Variants in CDH18 observed in about 807,000 individuals in gnomAD.
CDH18 encodes cadherin-18.
CDH18 carries 31 observed loss-of-function variants against 67.9 expected under a neutral mutation model. The ratio of observed to expected loss-of-function variants is 0.46; its 90% CI spans 0.34 to 0.62. CDH18 has a LOEUF of 0.62. CDH18 is among the 20% of genes least tolerant of loss of function. The pLI, the probability that CDH18 is intolerant of heterozygous loss-of-function variation, is 0.01. For missense variants in CDH18, 890 were observed against 975.5 expected (o/e 0.91, Z 1.17); for synonymous variants, 362 against 347.2 (o/e 1.04, Z -0.48).
intron 1 of CDH18, among the ~76,000 whole-genome samples, chr5:20,262,198 T>C (rs764369387): frequency 3.7e-4 from 57 of 152,224 alleles, no homozygotes; most frequent in Non-Finnish European, 1.5e-4. Flanking sequence ...TAAATTGTGA[T>C]AAATGGGAAA....
intron 12 of CDH18, among the ~76,000 whole-genome samples, chr5:19,479,807 C>G (rs2126556510): frequency 6.6e-6 from 1 of 152,128 alleles, no homozygotes; most frequent in South Asian, 2.1e-4. Flanking sequence ...TATGCTTTTA[C>G]AGCATATTTG....
intron 3 of CDH18, among the ~76,000 whole-genome samples, chr5:19,784,733 C>T (rs551037524): frequency 3.3e-5 from 5 of 152,236 alleles, no homozygotes; most frequent in Non-Finnish European, 5.9e-5. Context: ...TGCAAATATT[C>T]TTGGCCTTTC....
intron 2 of CDH18, among the ~76,000 whole-genome samples, chr5:19,925,158 C>G: frequency 6.6e-6 from 1 of 152,262 alleles, no homozygotes; most frequent in Non-Finnish European, 1.5e-5. Context: ...TACTTTCCTG[C>G]ATTTATCGAT....
At chr5:20,559,745 G>T (rs1219571366) in intron 1 of CDH18, among the ~76,000 whole-genome samples, 2 of 152,012 alleles carry the variant, frequency 1.3e-5, no homozygotes, top group Non-Finnish European at 2.9e-5. Flanking sequence ...AGAAATCACT[G>T]TCTAAGCGCC....
At chr5:19,819,586 G>A (rs371070811) in intron 3 of CDH18, among the ~76,000 whole-genome samples, 2 of 152,126 alleles carry the variant, frequency 1.3e-5, no homozygotes, top group Non-Finnish European at 1.5e-5. Context: ...CAGCACACTC[G>A]CATTGTAGGT....
chr5:19,515,924 G>A (rs1745910879), intron 10 of CDH18, among the ~76,000 whole-genome samples: 1 of 152,108 alleles, frequency 6.6e-6, no homozygotes, highest in Admixed American at 6.6e-5. Context: ...CCTGTCTTGT[G>A]CCAGTTTTCA....
At chr5:20,297,843 G>C (rs1580694979) in intron 1 of CDH18, among the ~76,000 whole-genome samples, 1 of 152,262 alleles carries the variant, frequency 6.6e-6, no homozygotes, top group East Asian at 1.9e-4. Flanking sequence ...TATAAAATAA[G>C]AGAGTTCTCT....
chr5:20,108,255 T>A (rs1314151551), intron 2 of CDH18, among the ~76,000 whole-genome samples: 1 of 151,902 alleles, frequency 6.6e-6, no homozygotes, highest in Non-Finnish European at 1.5e-5. Flanking sequence ...AATTTTATTT[T>A]ATTTTTTTTT....
At chr5:20,449,807 T>C (rs1022340948) in intron 1 of CDH18, among the ~76,000 whole-genome samples, 26 of 142,294 alleles carry the variant, frequency 1.8e-4, no homozygotes, top group Admixed American at 1.1e-3. Context: ...TTATTATCTT[T>C]CATGTTTGTC....
rs80200130 is a variant in CDH18, at chr5:19,732,305, T to G, written c.524-10839A>C. On this transcript the variant is annotated intron_variant, in intron 4 of 12. Transcript: ENST00000382275. ...AAAAAAAAGTTTTTAAAATAAAAAA[T>G]TATACAGATGTTGTGGCACACACCT... 1.8e-4 allele frequency among the ~76,000 whole-genome samples: 27 copies of G among 151,884 alleles called. No homozygotes were observed. In the East Asian group the frequency reaches 3.7e-3, roughly 21 times the overall value.
At chr5:20,530,806 C>A (rs530421951) in intron 1 of CDH18, among the ~76,000 whole-genome samples, 1 of 152,100 alleles carries the variant, frequency 6.6e-6, no homozygotes, top group Admixed American at 6.6e-5. Context: ...CTAGGCAATA[C>A]CATTCAGGAC....
intron 5 of CDH18, among the ~76,000 whole-genome samples, chr5:19,671,061 T>A (rs1758682348): frequency 6.6e-6 from 1 of 152,132 alleles, no homozygotes; most frequent in Non-Finnish European, 1.5e-5. Context: ...AGATAAGTAG[T>A]AAGCACTTAG....
In CDH18 at chr5:19,473,343, C is replaced by T. The variant is rs765641689; in HGVS notation, c.2256G>A (p.Ser752=). 7.1e-5 allele frequency: 115 copies of T among 1,613,746 alleles called. No individual in the cohort carries two copies. Among genetic ancestry groups the T allele is most frequent in the East Asian group, 1.1e-4 (5 of 44,874 alleles). The change falls in exon 13 of 13, where the codon TCG becomes TCA. Residue 752 remains serine, a synonymous_variant. Coordinates refer to ENST00000382275, the MANE Select transcript of CDH18 (RefSeq NM_004934.5). ...CTGATTGTGTCGTTGCTGAATCCAG[C>T]GAGCTGATAGACCCAGCTTCTGATC... ...GQRSEAGSIS[S]LDSATTQSDQ...
chr5:20,330,950 G>A (rs539830288), intron 1 of CDH18, among the ~76,000 whole-genome samples: 31 of 152,286 alleles, frequency 2.0e-4, no homozygotes, highest in Middle Eastern at 3.4e-3. Context: ...TCTTTCTTCT[G>A]AGGAGGCAAG....
intron 1 of CDH18, among the ~76,000 whole-genome samples, chr5:20,280,657 A>G (rs982351793): frequency 1.3e-5 from 2 of 152,160 alleles, no homozygotes; most frequent in African/African-American, 2.4e-5. Flanking sequence ...GAATAGTGCC[A>G]CAATAAACAT....
intron 2 of CDH18, among the ~76,000 whole-genome samples, chr5:19,918,448 C>T (rs1792067680): frequency 6.6e-6 from 1 of 152,216 alleles, no homozygotes; most frequent in Non-Finnish European, 1.5e-5. Context: ...ATAAAACACG[C>T]CACAACAATT....
intron 3 of CDH18, among the ~76,000 whole-genome samples, chr5:19,809,243 T>A (rs938278079): frequency 6.6e-6 from 1 of 152,242 alleles, no homozygotes; most frequent in East Asian, 1.9e-4. Flanking sequence ...CTTAGGGACA[T>A]GGAGGCCATT....
intron 1 of CDH18, among the ~76,000 whole-genome samples, chr5:20,488,107 T>C (rs367647185): frequency 1.3e-5 from 2 of 152,282 alleles, no homozygotes; most frequent in East Asian, 1.9e-4. Flanking sequence ...AGATTCTTTT[T>C]ATCCTTTTCA....
intron 5 of CDH18, among the ~76,000 whole-genome samples, chr5:19,628,533 G>A (rs1183787520): frequency 2.0e-5 from 3 of 152,026 alleles, no homozygotes; most frequent in Non-Finnish European, 4.4e-5. Flanking sequence ...TGACGGTAGG[G>A]TTTCCTGATG....
Sources: allele counts gnomAD v4.1 joint callset (sites outside exome capture counted in the v4.1 genomes callset), GRCh38; gene constraint gnomAD v4.1.1; transcripts MANE v1.5; gene names NCBI Gene and HGNC (gene_info 2026-07-23, HGNC 2026-07-21).